The following ULK1 variants were observed in gnomAD, a reference collection of about 807,000 sequenced individuals.
ULK1 encodes unc-51 like autophagy activating kinase 1.
Under a neutral mutation model 117.5 loss-of-function variants are expected in ULK1, and 48 were observed. That is an observed-to-expected ratio of 0.41 (90% confidence interval 0.32 to 0.52). The LOEUF is 0.52. Among genes scored for constraint, ULK1 ranks in the 20% least tolerant of loss-of-function variants. ULK1 has a pLI of 0.29. For synonymous variants in ULK1, 790 were observed against 637.8 expected (o/e 1.24, Z -3.60); for missense variants, 1,387 against 1,473.4 (o/e 0.94, Z 0.96).
At position 131,922,360 on chromosome 12, in the gene ULK1, G is replaced by GAGGGGGCTCCT. The variant is rs1890186681; in HGVS notation, c.*999_*1000insAGGGGGCTCCT. 1 of 270,122 alleles carries GAGGGGGCTCCT rather than the reference G, an allele frequency of 3.7e-6. No individual in the cohort carries two copies. Among genetic ancestry groups the GAGGGGGCTCCT allele is most frequent in the South Asian group, 3.3e-5 (1 of 30,254 alleles). The allele number at this position is 270,122 out of a possible 1,614,324, so 16.7% of individuals were successfully genotyped here. ...CAGCAGCAGGACAGGTGTGTGCCCA[G>GAGGGGGCTCCT]CACCCTCCCTACCTGGGCCTGGAAG... On this transcript the variant is annotated 3_prime_UTR_variant, in exon 28 of 28. Coordinates refer to ENST00000321867, the MANE Select transcript of ULK1 (RefSeq NM_003565.4).
At chr12:131,918,750 TGTGTGGGGTATAGGGTGTGTGGGGTGTC>T in intron 23 of ULK1, 69 bp downstream of exon 23, 1 of 1,364,282 alleles carries the variant, frequency 7.3e-7, no homozygotes, top group Non-Finnish European at 9.7e-7. Context: ...GGGTGTCGGG[TGTGTGGGGTATAGGGTGTGTGGGGTGTC>T]GGGTGTGGGG....
chr12:131,904,992 G>T (rs918494083), intron 3 of ULK1, among the ~76,000 whole-genome samples: 1 of 152,110 alleles, frequency 6.6e-6, no homozygotes, highest in African/African-American at 2.4e-5. Context: ...GGCTCCCCAC[G>T]TGCTCTTCCT....
At chr12:131,897,894 G>A (rs1326008472) in intron 3 of ULK1, 1 of 152,210 alleles carries the variant, frequency 6.6e-6, no homozygotes, top group Non-Finnish European at 1.5e-5. Context: ...GTGTAACCCT[G>A]TCTCAAAAAC....
chr12:131,910,830 T>A, intron 12 of ULK1, 30 bp downstream of exon 12: 1 of 1,611,148 alleles, frequency 6.2e-7, no homozygotes, highest in Non-Finnish European at 8.5e-7. Context: ...GCTTGGCAGC[T>A]TCTCCCTCCA....
intron 3 of ULK1, among the ~76,000 whole-genome samples, chr12:131,904,850 C>T (rs1889210730): frequency 6.6e-6 from 1 of 152,018 alleles, no homozygotes. Context: ...GCATGGCCGT[C>T]CTGAAGTTAT....
intron 21 of ULK1, among the ~76,000 whole-genome samples, 154 bp downstream of exon 21, chr12:131,917,216 GCTCGA>G (rs1889867168): frequency 5.3e-5 from 2 of 37,402 alleles, no homozygotes; most frequent in Non-Finnish European, 7.9e-5. Context: ...GTGGGATGGG[GCTCGA>G]GGCTGTGGGA....
intron 5 of ULK1, among the ~76,000 whole-genome samples, chr12:131,908,377 G>T (rs1889366963): frequency 6.6e-6 from 1 of 152,126 alleles, no homozygotes; most frequent in Non-Finnish European, 1.5e-5. Flanking sequence ...ACTGAGGCTG[G>T]GCTTCGGCGG....
intron 3 of ULK1, among the ~76,000 whole-genome samples, chr12:131,900,551 A>G (rs1889045434): frequency 1.3e-5 from 2 of 152,170 alleles, no homozygotes. Flanking sequence ...CACAGAAATC[A>G]GGGTATAGGG....
chr12:131,917,669 T>C, intron 22 of ULK1, 115 bp downstream of exon 22: 11 of 1,103,238 alleles, frequency 1.0e-5, no homozygotes, highest in African/African-American at 1.6e-5. Context: ...AGCCCAGGGG[T>C]GCCTGAGGAA....
At chr12:131,901,948 G>T (rs1217180915) in intron 3 of ULK1, among the ~76,000 whole-genome samples, 2 of 152,142 alleles carry the variant, frequency 1.3e-5, no homozygotes, top group African/African-American at 4.8e-5. Flanking sequence ...CGTGCCCTCA[G>T]AAGGGTTGGG....
chr12:131,921,187 C>T lies in ULK1; in HGVS notation c.3049C>T (p.Leu1017=). Residue 1017 remains leucine (L), a synonymous_variant, in exon 27 of 28, where the codon CTG becomes TTG. Transcript: ENST00000321867. Reference sequence around the variant, plus strand: ...CAAGGCCCTGCTGCTCCTGGAGGGGCTGCAGCACATGCTCTCGGACCAGGC... The same window carrying T: ...CAAGGCCCTGCTGCTCCTGGAGGGGTTGCAGCACATGCTCTCGGACCAGGC... ...YHKALLLLEG[L]QHMLSDQADI... 3 of 1,606,274 alleles carry T rather than the reference C, an allele frequency of 1.9e-6. No individual in the cohort carries two copies. The highest frequency in any genetic ancestry group is 2.7e-5 in the African/African-American group (2 of 75,056).
rs767518621 is a variant in ULK1, at chr12:131,919,576, C to G, written c.2789C>G (p.Ser930Cys). ...QIRAGKLCLS[S>C]TVKQVVRRLN... ...CGGGCCGGCAAGCTCTGCCTGTCGT[C>G]CACTGTGAAGCAGGGTGAGGGCTGC... Residue 930 changes from serine to cysteine, a missense_variant, in exon 25 of 28, where the codon TCC becomes TGC. Around this residue, in one of 4 missense-constraint regions of ULK1, gnomAD observed 900 missense variants for 858.9 expected, o/e 1.05. Coordinates refer to ENST00000321867, the MANE Select transcript of ULK1 (RefSeq NM_003565.4). 3 of 1,611,910 alleles carry G rather than the reference C, an allele frequency of 1.9e-6. No individual in the cohort carries two copies. Among genetic ancestry groups the G allele is most frequent in the Non-Finnish European group, 1.7e-6 (2 of 1,179,610 alleles).
At chr12:131,906,378 T>C (rs763637569) in intron 3 of ULK1, 58 of 158,512 alleles carry the variant, frequency 3.7e-4, no homozygotes, top group East Asian at 2.8e-3. Context: ...TGTGAGCCAC[T>C]GCACCTGTTT....
At position 131,918,678 on chromosome 12, in the gene ULK1, G is replaced by T. The variant is rs1271101234; in HGVS notation, c.2508G>T (p.Met836Ile). 2 of 1,589,884 alleles carry T rather than the reference G, an allele frequency of 1.3e-6. No individual in the cohort carries two copies. Among genetic ancestry groups the T allele is most frequent in the Non-Finnish European group, 1.7e-6 (2 of 1,168,502 alleles). The change falls in exon 23 of 28, where the codon ATG becomes ATT. Residue 836 changes from methionine to isoleucine, a missense_variant. Met to Ile is a conservative substitution (Grantham distance 10, BLOSUM62 1). Coordinates refer to ENST00000321867, the MANE Select transcript of ULK1 (RefSeq NM_003565.4). ...CCGACCTCCCTGAGGAGACCCTCAT[G>T]GAGGTGAGGGCTGGAGTGAGCAAAG... Reference protein sequence around the residue: ...EAPDLPEETLMEQEHTEILRG... With the variant: ...EAPDLPEETLIEQEHTEILRG...
Position 131,895,071 on chromosome 12 carries a change from C to CAT in ULK1, c.71_72insTA (p.Gly25ThrfsTer44). Reference sequence around the variant, plus strand: ...GTTCTCCCGCAAGGACCTGATCGGCCACGGCGCCTTCGCGGTGGTCTTCAA... The same window carrying CAT: ...GTTCTCCCGCAAGGACCTGATCGGCCATACGGCGCCTTCGCGGTGGTCTTCAA... On this transcript the variant is annotated frameshift_variant, in exon 1 of 28. Transcript: ENST00000321867. LOFTEE classifies it high-confidence loss of function. 1 of 1,582,306 alleles carries CAT rather than the reference C, an allele frequency of 6.3e-7. No homozygotes were observed. Among genetic ancestry groups the CAT allele is most frequent in the Non-Finnish European group, 8.5e-7 (1 of 1,171,092 alleles).
Position 131,918,558 on chromosome 12 carries a change from G to C in ULK1, c.2388G>C (p.Glu796Asp). ...ARHLVPGPCS[E>D]APAPELPAPG... ...ACCTGGTGCCTGGGCCCTGCAGCGA[G>C]GCCCCAGCCCCTGAGCTCCCTGCTC... The change falls in exon 23 of 28, where the codon GAG (glutamate) becomes GAC (aspartate). Residue 796 changes from glutamate (E) to aspartate (D), a missense_variant. By Grantham distance (45) the Glu-to-Asp change is conservative. Coordinates refer to ENST00000321867, the MANE Select transcript of ULK1 (RefSeq NM_003565.4). 6.2e-7 allele frequency: 1 copy of C among 1,611,136 alleles called. No individual in the cohort carries two copies. Among genetic ancestry groups the C allele is most frequent in the Non-Finnish European group, 8.5e-7 (1 of 1,179,306 alleles).
At chr12:131,909,593 G>A (rs940812482) in intron 8 of ULK1, among the ~76,000 whole-genome samples, 182 bp from the exon 9 acceptor site, 4 of 152,094 alleles carry the variant, frequency 2.6e-5, no homozygotes, top group Non-Finnish European at 5.9e-5. Flanking sequence ...AGAGACCGTC[G>A]GCGCCCCCTC....
intron 3 of ULK1, among the ~76,000 whole-genome samples, chr12:131,899,376 C>G (rs1043650335): frequency 2.6e-5 from 4 of 152,056 alleles, no homozygotes; most frequent in Admixed American, 2.0e-4. Context: ...TTAGTAGAGA[C>G]AAGGTTTCTC....
chr12:131,920,650 G>A (rs1391454174), intron 26 of ULK1: 6 of 198,440 alleles, frequency 3.0e-5, no homozygotes, highest in African/African-American at 1.2e-4. Context: ...CTCCTGGGCT[G>A]AAATGATCCT....
Sources: gnomAD v4.1 joint callset for allele counts (sites outside exome capture counted in the v4.1 genomes callset) on GRCh38, gnomAD v4.1.1 for gene constraint, gnomAD v4.1.1 regional missense constraint, MANE v1.5 for transcripts, NCBI Gene and HGNC (gene_info 2026-07-23, HGNC 2026-07-21) for gene names.